CACNB3: variants seen among roughly 807,000 people sequenced by gnomAD.
CACNB3 encodes calcium voltage-gated channel auxiliary subunit beta 3.
Under a neutral mutation model 63.7 loss-of-function variants are expected in CACNB3, and 36 were observed. The observed-to-expected ratio is 0.57, with a 90% CI of 0.43 to 0.75. CACNB3 has a LOEUF of 0.75. Ranked by LOEUF, CACNB3 falls within the 30% of genes least tolerant of loss-of-function variation. CACNB3 has a pLI of 0.00. For synonymous variants in CACNB3, 241 were observed against 250.6 expected (o/e 0.96, Z 0.36); for missense variants, 493 against 648.6 (o/e 0.76, Z 2.61).
Position 48,826,918 on chromosome 12 carries a change from G to A in CACNB3, c.991-56G>A. 6.2e-7 allele frequency: 1 copy of A among 1,613,186 alleles called. No individual in the cohort carries two copies. Among genetic ancestry groups the A allele is most frequent in the Non-Finnish European group, 8.5e-7 (1 of 1,179,326 alleles). On this transcript the variant is annotated intron_variant, in intron 11 of 12. Transcript: ENST00000301050. This position sits in a 1 kb window ranked among gnomAD's most constrained non-coding sequence, Gnocchi z 4.8. ...CAGGGCTGCGGCAGTGATAGAGATG[G>A]GTGGGGGGCTGCTACTGAGGGGAAA...
At chr12:48,824,560 CACTA>C in intron 4 of CACNB3, 105 bp from the exon 5 acceptor site, 1 of 1,180,106 alleles carries the variant, frequency 8.5e-7, no homozygotes, top group Non-Finnish European at 1.2e-6. Flanking sequence ...ACACCTGTCT[CACTA>C]GATAAAGCAT....
chr12:48,815,826 G>C (rs1389230336), upstream of CACNB3: 2 of 832,076 alleles, frequency 2.4e-6, no homozygotes, highest in East Asian at 5.3e-5. Context: ...GCGTTTGGGG[G>C]AGACTGCACC....
In CACNB3 at chr12:48,823,207, G is replaced by T; in HGVS notation, c.46-137G>T. ...TGGGGCCCTTCTCAGGGGATAGGAG[G>T]GGCCATAGGGACCCAGCTATCCCCT... is the stretch of plus-strand genomic sequence containing the variant. On this transcript the variant is annotated intron_variant, in intron 1 of 12. Coordinates refer to ENST00000301050, the MANE Select transcript of CACNB3 (RefSeq NM_000725.4). The surrounding 1 kb of genome is among the most constrained non-coding windows in gnomAD (Gnocchi z 4.2). 1 of 1,078,904 alleles carries T rather than the reference G, an allele frequency of 9.3e-7. No individual in the cohort carries two copies. Among genetic ancestry groups the T allele is most frequent in the East Asian group, 2.5e-5 (1 of 40,148 alleles). 66.8% of individuals were successfully genotyped at this position (1,078,904 alleles called of 1,614,324 possible).
Position 48,825,536 on chromosome 12 carries a change from C to T in CACNB3, c.632+44C>T, listed in dbSNP as rs531349718. 1.2e-6 allele frequency: 2 copies of T among 1,605,794 alleles called. No homozygotes were observed. The highest frequency in any genetic ancestry group is 3.3e-5 in the Admixed American group (2 of 60,010). ...AGGTGGCCTGAGAACCAAGGAGAAG[C>T]TCATGGCCTACTTCCAGATGCCTGT... On this transcript the variant is annotated intron_variant, in intron 8 of 12. Coordinates refer to ENST00000301050, the MANE Select transcript of CACNB3 (RefSeq NM_000725.4). This position sits in a 1 kb window ranked among gnomAD's most constrained non-coding sequence, Gnocchi z 4.5.
chr12:48,826,445 TCAA>T lies in CACNB3; in HGVS notation c.823_825del (p.Asn275del), dbSNP rs1938143231. 1 of 1,614,022 alleles carries T rather than the reference TCAA, an allele frequency of 6.2e-7. No individual in the cohort carries two copies. Among genetic ancestry groups the T allele is most frequent in the Non-Finnish European group, 8.5e-7 (1 of 1,180,026 alleles). ...CTAGTAGTGTTGGACGCTGACACCA[TCAA>T]CCACCCAGCACAGCTGGCCAAGACC... On this transcript the variant is annotated inframe_deletion, in exon 10 of 13. Transcript: ENST00000301050. This position sits in a 1 kb window ranked among gnomAD's most constrained non-coding sequence, Gnocchi z 4.8.
At position 48,824,709 on chromosome 12, in the gene CACNB3, C is replaced by G. The variant is rs770618205; in HGVS notation, c.448C>G (p.Arg150Gly). Residue 150 changes from arginine (R) to glycine (G), a missense_variant, in exon 5 of 13, where the codon CGA (arginine) becomes GGA (glycine). Arg to Gly is a moderately radical substitution (Grantham distance 125, BLOSUM62 -2). Coordinates refer to ENST00000301050, the MANE Select transcript of CACNB3 (RefSeq NM_000725.4). The part of the protein sequence containing the change: ...NPSSLSDIGN[R>G]RSPPPSLAKQ... ...TTCCAGCCTGAGTGACATTGGCAAC[C>G]GACGCTCCCCTCCGCCATCTCTAGG... The G allele has an allele frequency of 1.2e-6, 2 of 1,613,630 alleles. No individual in the cohort carries two copies. Among genetic ancestry groups the G allele is most frequent in the Non-Finnish European group, 1.7e-6 (2 of 1,179,938 alleles).
At chr12:48,818,386 C>G, upstream of CACNB3, 1 of 922,462 alleles carries the variant, frequency 1.1e-6, no homozygotes, top group Non-Finnish European at 1.3e-6. This position sits in a 1 kb window ranked among gnomAD's most constrained non-coding sequence, Gnocchi z 4.3. Context: ...CCGCCGCAGC[C>G]CTTTGTTTCC....
chr12:48,814,655 C>G, upstream of CACNB3: 1 of 1,185,314 alleles, frequency 8.4e-7, no homozygotes, highest in Non-Finnish European at 1.1e-6. This position sits in a 1 kb window ranked among gnomAD's most constrained non-coding sequence, Gnocchi z 6.9. Flanking sequence ...CTGGGGGTCT[C>G]GAGCTGGGAC....
At chr12:48,814,538 C>T, upstream of CACNB3, 1 of 1,527,990 alleles carries the variant, frequency 6.5e-7, no homozygotes, top group Non-Finnish European at 8.7e-7. This position sits in a 1 kb window ranked among gnomAD's most constrained non-coding sequence, Gnocchi z 6.9. Flanking sequence ...GGGCGCCCCT[C>T]GAGACCAGGA....
Position 48,823,233 on chromosome 12 carries a change from T to G in CACNB3, c.46-111T>G. On this transcript the variant is annotated intron_variant, in intron 1 of 12. Coordinates refer to ENST00000301050, the MANE Select transcript of CACNB3 (RefSeq NM_000725.4). This position sits in a 1 kb window ranked among gnomAD's most constrained non-coding sequence, Gnocchi z 4.2. ...GGCCATAGGGACCCAGCTATCCCCT[T>G]GGAGATGGAGAAACTGGGGGCAATA... 5.1e-6 allele frequency: 7 copies of G among 1,378,896 alleles called. No homozygotes were observed. The highest frequency in any genetic ancestry group is 1.4e-5 in the African/African-American group (1 of 69,036). 85.4% of individuals were successfully genotyped at this position (1,378,896 alleles called of 1,614,324 possible). A position where few individuals can be genotyped will look rare whatever the true frequency, so the allele number is the denominator to read the frequency against.
rs1938131881 is a variant in CACNB3, at chr12:48,826,228, T to C, written c.743-139T>C. On this transcript the variant is annotated intron_variant, in intron 9 of 12. Transcript: ENST00000301050. The surrounding 1 kb of genome is among the most constrained non-coding windows in gnomAD (Gnocchi z 4.8). ...ACACACCCCTCCTCCTCAATTCCCA[T>C]TCCTCTGCCTGTCCAGGCTTCGATG... is the stretch of plus-strand genomic sequence containing the variant. 1 of 797,082 alleles carries C rather than the reference T, an allele frequency of 1.3e-6. No individual in the cohort carries two copies. The allele number at this position is 797,082 out of a possible 1,614,324, so 49.4% of individuals were successfully genotyped here. A position where few individuals can be genotyped will look rare whatever the true frequency, so the allele number is the denominator to read the frequency against.
At position 48,824,130 on chromosome 12, in the gene CACNB3, C is replaced by G. The variant is rs373188346; in HGVS notation, c.292-128C>G. 1.2e-4 allele frequency: 98 copies of G among 817,394 alleles called. 1 individual carries two copies. The highest frequency in any genetic ancestry group is 4.1e-4 in the African/African-American group (24 of 57,964). 50.6% of individuals were successfully genotyped at this position (817,394 alleles called of 1,614,324 possible). On this transcript the variant is annotated intron_variant, in intron 3 of 12. Transcript: ENST00000301050. ...TGTCCTTTCCCCTGGCCCCTTCTGC[C>G]CACCGCCCCTTGCATTGCATTCCTC...
rs377238246 is a variant in CACNB3, at chr12:48,825,429, C to G, written c.574-5C>G. 7 of 1,614,034 alleles carry G rather than the reference C, an allele frequency of 4.3e-6. No homozygotes were observed. In the East Asian group the frequency reaches 1.3e-4, roughly 31 times the overall value. On this transcript the variant is annotated splice_polypyrimidine_tract_variant and splice_region_variant and intron_variant, in intron 7 of 12. Transcript: ENST00000301050. The surrounding 1 kb of genome is among the most constrained non-coding windows in gnomAD (Gnocchi z 4.5). The stretch of plus-strand genomic sequence containing the variant: ...GCCCTTCATCAGTGCCATGCCTTCC[C>G]CCAGGTCACAGACATGATGCAGAAG...
upstream of CACNB3, chr12:48,818,390 T>G: frequency 1.1e-6 from 1 of 940,468 alleles, no homozygotes; most frequent in Non-Finnish European, 1.3e-6. The surrounding 1 kb of genome is among the most constrained non-coding windows in gnomAD (Gnocchi z 4.3). Flanking sequence ...CGCAGCCCTT[T>G]GTTTCCCGGC....
chr12:48,819,697 G>A (rs1456374548), intron 1 of CACNB3: 1 of 455,852 alleles, frequency 2.2e-6, no homozygotes, highest in South Asian at 1.5e-5. Context: ...TGGAGGGCCT[G>A]GAGGTGAGGC....
intron 5 of CACNB3, 23 bp downstream of exon 5, chr12:48,824,756 A>C: frequency 6.2e-7 from 1 of 1,610,608 alleles, no homozygotes; most frequent in Non-Finnish European, 8.5e-7. Flanking sequence ...CAACCCACCC[A>C]TTTTGGGTAG....
upstream of CACNB3, chr12:48,818,481 C>A (rs1465416357): frequency 8.0e-6 from 8 of 997,792 alleles, no homozygotes; most frequent in Admixed American, 6.1e-5. The surrounding 1 kb of genome is among the most constrained non-coding windows in gnomAD (Gnocchi z 4.3). Context: ...ATCCGCCCTG[C>A]CCGCAGCCTC....
In CACNB3 at chr12:48,823,459, G is replaced by T; in HGVS notation, c.161G>T (p.Arg54Met). ...VESQAQQQLE[R>M]AKHKPVAFAV... Reference sequence around the variant, plus strand: ...AGCCAGGCTCAGCAGCAGCTCGAAAGGGCCAAGGTATACTTTCTGGGCATG... The same window carrying T: ...AGCCAGGCTCAGCAGCAGCTCGAAATGGCCAAGGTATACTTTCTGGGCATG... Residue 54 changes from arginine to methionine, a missense_variant, in exon 2 of 13, where the codon AGG becomes ATG. Coordinates refer to ENST00000301050, the MANE Select transcript of CACNB3 (RefSeq NM_000725.4). This position sits in a 1 kb window ranked among gnomAD's most constrained non-coding sequence, Gnocchi z 4.2. The T allele has an allele frequency of 6.2e-7, 1 of 1,613,940 alleles. No homozygotes were observed. The highest frequency in any genetic ancestry group is 8.5e-7 in the Non-Finnish European group (1 of 1,179,926).
At chr12:48,814,827 G>A (rs1056764659), upstream of CACNB3, 2 of 375,144 alleles carry the variant, frequency 5.3e-6, no homozygotes, top group Admixed American at 4.6e-5. This position sits in a 1 kb window ranked among gnomAD's most constrained non-coding sequence, Gnocchi z 6.9. Context: ...CCGCCACCTG[G>A]AGGGCGCGTG....
Sources: allele counts gnomAD v4.1 joint callset, GRCh38; gene constraint gnomAD v4.1.1; non-coding constraint Gnocchi (gnomAD v3.1); transcripts MANE v1.5; gene names NCBI Gene and HGNC (gene_info 2026-07-23, HGNC 2026-07-21).